Variants in TET1 observed in about 807,000 individuals in gnomAD.
TET1 encodes the protein tet methylcytosine dioxygenase 1, also known as methylcytosine dioxygenase TET1.
In TET1, 13 loss-of-function variants were observed where a neutral mutation model predicts 148.7. The ratio of observed to expected loss-of-function variants is 0.09; its 90% CI spans 0.06 to 0.14. The LOEUF (loss-of-function observed/expected upper bound fraction) is 0.14, where lower values mean the gene tolerates loss of function less well. TET1 is among the 10% of genes least tolerant of loss of function. The pLI, the probability that TET1 is intolerant of heterozygous loss-of-function variation, is 1.00. For synonymous variants in TET1, 907 were observed against 937.2 expected, an observed-to-expected ratio of 0.97 and a Z score of 0.59; for missense variants, 2,182 against 2,553.8, an observed-to-expected ratio of 0.85 and a Z score of 3.14.
At position 68,624,650 on chromosome 10, in the gene TET1, TTCTTTCTTTC is replaced by T. The variant is rs1225498681; in HGVS notation, c.1969-20044_1969-20035del. ...TTTCTTTCTTTCTTTCTTTCTTTCTTTCTTTCTTTCTCTCTCTCTCTCTCTCTCTCTCTCT... is the reference window on the plus strand; with the variant it reads ...TTTCTTTCTTTCTTTCTTTCTTTCTTTCTCTCTCTCTCTCTCTCTCTCTCT... On this transcript the variant is annotated intron_variant, in intron 3 of 11. Transcript: ENST00000373644. 5.0e-3 allele frequency among the ~76,000 whole-genome samples: 285 copies of T among 57,038 alleles called. 2 individuals are homozygous for T. The highest frequency in any genetic ancestry group is 0.034 in the Middle Eastern group (4 of 116). 37.4% of individuals were successfully genotyped at this position (57,038 alleles called of 152,430 possible).
At chr10:68,632,325 A>G in intron 3 of TET1, 1 of 1,503,416 alleles carries the variant, frequency 6.7e-7, no homozygotes, top group Non-Finnish European at 9.1e-7. Context: ...CCCTTTCAAA[A>G]AAAAAAGAAA....
chr10:68,582,316 C>G (rs1432792425), intron 2 of TET1, among the ~76,000 whole-genome samples: 2 of 152,112 alleles, frequency 1.3e-5, no homozygotes, highest in Non-Finnish European at 2.9e-5. Flanking sequence ...TCAGGCTGGT[C>G]TTGAACTAAC....
intron 3 of TET1, among the ~76,000 whole-genome samples, chr10:68,607,046 T>A (rs1279340830): frequency 2.6e-5 from 4 of 152,104 alleles, no homozygotes; most frequent in Non-Finnish European, 4.4e-5. Flanking sequence ...GCAGCATGTA[T>A]ATTTCCAGTG....
chr10:68,683,526 C>T (rs1000027123), intron 10 of TET1, among the ~76,000 whole-genome samples: 4 of 152,036 alleles, frequency 2.6e-5, no homozygotes, highest in Non-Finnish European at 5.9e-5. Context: ...GATCCACCCA[C>T]CTTGGCCTCG....
rs1554931408 is a variant in TET1, at chr10:68,586,501, T to TTTTTTA, written c.1914+12249_1914+12250insTTTTTA. 2.5e-5 allele frequency among the ~76,000 whole-genome samples: 3 copies of TTTTTTA among 122,202 alleles called. No individual in the cohort carries two copies. The East Asian group carries it at 7.7e-4, about 31-fold the overall frequency. The allele number at this position is 122,202 out of a possible 152,430, so 80.2% of individuals were successfully genotyped here. A position where few individuals can be genotyped will look rare whatever the true frequency, so the allele number is the denominator to read the frequency against. ...CCAGCTAACGTTTTTTTTTTTTTTT[T>TTTTTTA]AATTTTTATTTTTTGTAGAAATGTG... is the stretch of plus-strand genomic sequence containing the variant. On this transcript the variant is annotated intron_variant, in intron 2 of 11. Transcript: ENST00000373644.
chr10:68,675,629 G>C (rs1285360715), intron 8 of TET1, among the ~76,000 whole-genome samples: 1 of 145,512 alleles, frequency 6.9e-6, no homozygotes, highest in African/African-American at 2.5e-5. Flanking sequence ...GCAGTGATGT[G>C]ATCTCAGCTC....
chr10:68,562,455 T>C (rs1215015428), intron 1 of TET1, among the ~76,000 whole-genome samples: 1 of 152,172 alleles, frequency 6.6e-6, no homozygotes, highest in Non-Finnish European at 1.5e-5. Context: ...AGGTGGCTTT[T>C]GGTGTGTTTC....
intron 1 of TET1, among the ~76,000 whole-genome samples, 180 bp downstream of exon 1, chr10:68,560,922 G>GAAAA (rs1337982201): frequency 6.6e-6 from 1 of 152,194 alleles, no homozygotes; most frequent in African/African-American, 2.4e-5. Context: ...CCCACCCCGG[G>GAAAA]ACGCTCGGGA....
In TET1 at chr10:68,674,577, C is replaced by G. The variant is rs147183845; in HGVS notation, c.4824+1532C>G. 9.1e-4 allele frequency: 492 copies of G among 538,690 alleles called. 5 individuals carry two copies. The highest frequency in any genetic ancestry group is 8.7e-3 in the African/African-American group (460 of 52,592). The allele number at this position is 538,690 out of a possible 1,614,324, so 33.4% of individuals were successfully genotyped here. A position where few individuals can be genotyped will look rare whatever the true frequency, so the allele number is the denominator to read the frequency against. On this transcript the variant is annotated intron_variant, in intron 8 of 11. Coordinates refer to ENST00000373644, the MANE Select transcript of TET1 (RefSeq NM_030625.3). The stretch of plus-strand genomic sequence containing the variant: ...TGCATTTAGAAAATTCAGCTGATTA[C>G]TGAAGATGTTCAGGGGAATGATTGC...
chr10:68,676,232 A>ATG (rs1168506054), intron 8 of TET1, among the ~76,000 whole-genome samples: 86 of 13,336 alleles, frequency 6.4e-3, no homozygotes, highest in African/African-American at 0.013. Flanking sequence ...ATATGTATGT[A>ATG]TGTGTATATA....
intron 3 of TET1, among the ~76,000 whole-genome samples, chr10:68,642,072 A>G (rs566343028): frequency 6.6e-6 from 1 of 152,328 alleles, no homozygotes; most frequent in East Asian, 1.9e-4. Flanking sequence ...AATTGGAGTT[A>G]TCATTCTTTT....
intron 3 of TET1, among the ~76,000 whole-genome samples, chr10:68,614,568 G>C (rs2054261898): frequency 1.3e-5 from 2 of 152,064 alleles, no homozygotes. Context: ...GTGGAGTGTG[G>C]TGGCACGATC....
At chr10:68,671,496 A>G (rs1384209140) in intron 7 of TET1, among the ~76,000 whole-genome samples, 1 of 152,232 alleles carries the variant, frequency 6.6e-6, no homozygotes, top group Non-Finnish European at 1.5e-5. Context: ...TGTGAATAGC[A>G]CTGCAGTGAA....
intron 1 of TET1, among the ~76,000 whole-genome samples, chr10:68,565,767 T>C (rs1448326866): frequency 6.6e-6 from 1 of 152,094 alleles, no homozygotes; most frequent in African/African-American, 2.4e-5. Flanking sequence ...AAGAAGTTTA[T>C]GTTTCAATAG....
intron 1 of TET1, among the ~76,000 whole-genome samples, chr10:68,564,169 T>G (rs190723404): frequency 6.2e-4 from 94 of 152,086 alleles, no homozygotes; most frequent in Non-Finnish European, 1.1e-3. Flanking sequence ...TTTTTTTTTT[T>G]TCAGAGTCTC....
intron 8 of TET1, chr10:68,674,479 C>T (rs749580806): frequency 7.4e-6 from 3 of 404,252 alleles, no homozygotes; most frequent in Non-Finnish European, 1.4e-5. Flanking sequence ...ACCCAAGGAA[C>T]CATAATTGAA....
chr10:68,650,861 G>T (rs921216866), intron 4 of TET1, among the ~76,000 whole-genome samples: 1 of 152,070 alleles, frequency 6.6e-6, no homozygotes, highest in African/African-American at 2.4e-5. Flanking sequence ...TTCAAGTGGT[G>T]CAGAAATACG....
Position 68,573,939 on chromosome 10 carries a change from C to G in TET1, c.1601C>G (p.Ser534Cys). The change falls in exon 2 of 12, where the codon TCT becomes TGT. Residue 534 changes from serine to cysteine, a missense_variant. Coordinates refer to ENST00000373644, the MANE Select transcript of TET1 (RefSeq NM_030625.3). ...FHASLGIAQL[S>C]QAGPSKSDRG... ...GCTTCACTGGGTATAGCCCAACTCT[C>G]TCAGGCTGGTCCTAGCAAATCAGAC... 1 of 1,614,222 alleles carries G rather than the reference C, an allele frequency of 6.2e-7. No individual in the cohort carries two copies.
Position 68,646,352 on chromosome 10 carries a change from C to T in TET1, c.3623C>T (p.Thr1208Ile), listed in dbSNP as rs1351417056. 1.2e-6 allele frequency: 2 copies of T among 1,614,146 alleles called. No individual in the cohort carries two copies. The highest frequency in any genetic ancestry group is 1.1e-5 in the South Asian group (1 of 91,080). ...FGQFCPHDFP[T>I]VFGKISSSTK... ...CAATTTTGTCCACATGATTTTCCTA[C>T]TGTATTTGGGAAAATTTCTTCCTCG... The change falls in exon 4 of 12, where the codon ACT (threonine) becomes ATT (isoleucine). Residue 1208 changes from threonine (T) to isoleucine (I), a missense_variant. Transcript: ENST00000373644.
Sources: allele counts gnomAD v4.1 joint callset (sites outside exome capture counted in the v4.1 genomes callset), GRCh38; gene constraint gnomAD v4.1.1; transcripts MANE v1.5; gene names NCBI Gene and HGNC (gene_info 2026-07-23, HGNC 2026-07-21).